MYRFL: variants seen among roughly 807,000 people sequenced by gnomAD.
MYRFL encodes the protein myelin regulatory factor-like protein.
MYRFL carries 88 observed loss-of-function variants against 109.4 expected under a neutral mutation model. The ratio of observed to expected loss-of-function variants is 0.80; its 90% CI spans 0.68 to 0.96. MYRFL has a LOEUF of 0.96. Ranked by LOEUF, MYRFL falls within the 40% of genes least tolerant of loss-of-function variation. The probability of loss-of-function intolerance (pLI) is 0.00; values close to 1 mark genes in which losing one functional copy is unlikely to be tolerated. For synonymous variants in MYRFL, 324 were observed against 320.9 expected (o/e 1.01, Z -0.10); for missense variants, 957 against 954.9 (o/e 1.00, Z -0.03).
At chr12:69,900,811 C>T (rs1395891444) in intron 10 of MYRFL, among the ~76,000 whole-genome samples, 1 of 152,096 alleles carries the variant, frequency 6.6e-6, no homozygotes, top group Non-Finnish European at 1.5e-5. Context: ...CTGCAGGGGG[C>T]GCCATTTACA....
intron 19 of MYRFL, among the ~76,000 whole-genome samples, chr12:69,951,577 A>G (rs1955977188): frequency 6.6e-6 from 1 of 151,844 alleles, no homozygotes; most frequent in African/African-American, 2.4e-5. Flanking sequence ...AGAGGCATGC[A>G]CCACCATGCC....
intron 5 of MYRFL, among the ~76,000 whole-genome samples, chr12:69,882,653 G>A (rs974788278): frequency 4.6e-5 from 7 of 152,184 alleles, no homozygotes; most frequent in African/African-American, 1.2e-4. Context: ...CTGGGTTGGC[G>A]TGGGCAAATG....
chr12:69,844,248 C>A (rs977386276), intron 1 of MYRFL, among the ~76,000 whole-genome samples: 8 of 152,176 alleles, frequency 5.3e-5, no homozygotes, highest in African/African-American at 1.7e-4. Context: ...CAAGCCACAT[C>A]AGGCAGGTCC....
intron 1 of MYRFL, among the ~76,000 whole-genome samples, chr12:69,828,265 G>A (rs1167622605): frequency 7.2e-5 from 11 of 151,974 alleles, no homozygotes; most frequent in Admixed American, 6.6e-4. Flanking sequence ...AACTGATATC[G>A]GTGCAAATGA....
At chr12:69,880,706 A>C (rs916318320) in intron 5 of MYRFL, among the ~76,000 whole-genome samples, 7 of 152,202 alleles carry the variant, frequency 4.6e-5, no homozygotes, top group African/African-American at 1.7e-4. Context: ...ACTCTGATTC[A>C]GTCTCTAGGG....
chr12:69,850,297 A>G (rs1213130893), intron 1 of MYRFL, among the ~76,000 whole-genome samples: 1 of 152,164 alleles, frequency 6.6e-6, no homozygotes, highest in Non-Finnish European at 1.5e-5. Flanking sequence ...ATCAGTAGGT[A>G]GATAGATGGA....
At chr12:69,893,989 AT>A (rs60637559) in intron 8 of MYRFL, 149 bp downstream of exon 8, 17,132 of 112,964 alleles carry the variant, frequency 0.15, 891 homozygotes, top group African/African-American at 0.34. Context: ...AATAATGTTA[AT>A]TTTTTTTTTT....
intron 21 of MYRFL, among the ~76,000 whole-genome samples, chr12:69,955,145 T>A (rs1956064149): frequency 6.6e-6 from 1 of 152,138 alleles, no homozygotes. Context: ...TAACTTTTTA[T>A]GGTATATTTT....
At chr12:69,883,984 G>A (rs575612187) in intron 5 of MYRFL, among the ~76,000 whole-genome samples, 3 of 152,126 alleles carry the variant, frequency 2.0e-5, no homozygotes, top group Non-Finnish European at 4.4e-5. Flanking sequence ...TAGATTGTAG[G>A]ATAGTGGTCA....
At chr12:69,877,663 G>A (rs549252773) in intron 2 of MYRFL, among the ~76,000 whole-genome samples, 1 of 152,242 alleles carries the variant, frequency 6.6e-6, no homozygotes, top group South Asian at 2.1e-4. Context: ...GTAGATGTGT[G>A]TCCTCTCTTC....
chr12:69,872,588 C>T (rs533721047), intron 2 of MYRFL, among the ~76,000 whole-genome samples: 7 of 152,002 alleles, frequency 4.6e-5, no homozygotes, highest in African/African-American at 1.5e-4. Context: ...GCAACCTTTG[C>T]CTCCTGAGGT....
chr12:69,849,898 A>G (rs1883777971), intron 1 of MYRFL, among the ~76,000 whole-genome samples: 2 of 152,202 alleles, frequency 1.3e-5, no homozygotes, highest in Non-Finnish European at 2.9e-5. Context: ...ATGAATATCT[A>G]CAGATAGAAG....
Position 69,932,584 on chromosome 12 carries a change from T to C in MYRFL, c.1902T>C (p.Ala634=), listed in dbSNP as rs1201967136. 1.6e-5 allele frequency: 25 copies of C among 1,535,716 alleles called. No homozygotes were observed. The highest frequency in any genetic ancestry group is 2.2e-5 in the Non-Finnish European group (25 of 1,146,616). The part of the protein sequence containing the change: ...VFQTLVITLI[A]VMAFCALTIV... ...AGACCTTGGTTATAACTCTGATTGC[T>C]GTGATGGCATTTTGGTAAGAAAAAG... is the stretch of plus-strand genomic sequence containing the variant. The change falls in exon 16 of 25, where the codon GCT becomes GCC. Residue 634 remains alanine (A), a synonymous_variant. Transcript: ENST00000552032.
intron 2 of MYRFL, among the ~76,000 whole-genome samples, chr12:69,863,209 C>A (rs1592719299): frequency 6.6e-6 from 1 of 152,038 alleles, no homozygotes; most frequent in Admixed American, 6.6e-5. Context: ...GTCTAAAATT[C>A]TCTTTTTTGG....
intron 13 of MYRFL, among the ~76,000 whole-genome samples, chr12:69,912,898 A>G (rs1187799934): frequency 1.3e-5 from 2 of 152,124 alleles, no homozygotes; most frequent in Non-Finnish European, 2.9e-5. Context: ...CCATGTGACG[A>G]TATCATTTTA....
chr12:69,844,793 G>A (rs374010374), intron 1 of MYRFL, among the ~76,000 whole-genome samples: 1 of 152,072 alleles, frequency 6.6e-6, no homozygotes, highest in African/African-American at 2.4e-5. Flanking sequence ...TCTTTTGCTT[G>A]GCTCAGAGTG....
At chr12:69,927,553 AC>A in intron 14 of MYRFL, 131 bp from the exon 15 acceptor site, 1 of 632,846 alleles carries the variant, frequency 1.6e-6, no homozygotes, top group Non-Finnish European at 2.7e-6. Flanking sequence ...CATTGCCATG[AC>A]TTTTTGTTTT....
intron 1 of MYRFL, among the ~76,000 whole-genome samples, chr12:69,854,115 C>T (rs562619224): frequency 9.8e-5 from 15 of 152,318 alleles, no homozygotes; most frequent in Admixed American, 7.2e-4. Context: ...GAGGCCGAGG[C>T]GGGCAGATCA....
chr12:69,909,781 G>A (rs1460589868), intron 11 of MYRFL, among the ~76,000 whole-genome samples, 188 bp from the exon 12 acceptor site: 1 of 152,190 alleles, frequency 6.6e-6, no homozygotes, highest in Non-Finnish European at 1.5e-5. Flanking sequence ...GGCATGTCCA[G>A]GGGAAGGAGG....
Sources: allele counts gnomAD v4.1 joint callset (sites outside exome capture counted in the v4.1 genomes callset), GRCh38; gene constraint gnomAD v4.1.1; transcripts MANE v1.5; gene names NCBI Gene and HGNC (gene_info 2026-07-23, HGNC 2026-07-21).